The following DNAAF5 variants were observed in gnomAD, a reference collection of about 807,000 sequenced individuals.
The protein encoded by DNAAF5 is dynein axonemal assembly factor 5.
Under a neutral mutation model 75.8 loss-of-function variants are expected in DNAAF5, and 64 were observed. The observed-to-expected ratio is 0.84, with a 90% CI of 0.69 to 1.04. DNAAF5 has a LOEUF of 1.04. DNAAF5 is among the 50% of genes least tolerant of loss of function. The pLI is 0.00. For synonymous variants in DNAAF5, 657 were observed against 557.2 expected (o/e 1.18, Z -2.52); for missense variants, 1,269 against 1,178.5 (o/e 1.08, Z -1.12).
rs148913278 is a variant in DNAAF5, at chr7:766,240, C to T, written c.1783+2266C>T. ...CAGCCTCAAATATAATACAATATTTCCAACATCGTGTCCTTGGAATACAGA... is the reference window on the plus strand; with the variant it reads ...CAGCCTCAAATATAATACAATATTTTCAACATCGTGTCCTTGGAATACAGA... On this transcript the variant is annotated intron_variant, in intron 8 of 12. Coordinates refer to ENST00000297440, the MANE Select transcript of DNAAF5 (RefSeq NM_017802.4). Among the ~76,000 whole-genome samples the T allele has an allele frequency of 5.5e-3, 840 of 152,312 alleles. 12 individuals carry two copies. The highest frequency in any genetic ancestry group is 0.019 in the African/African-American group (793 of 41,560).
chr7:736,018 C>A (rs562171682), intron 2 of DNAAF5, among the ~76,000 whole-genome samples: 1 of 152,284 alleles, frequency 6.6e-6, no homozygotes, highest in African/African-American at 2.4e-5. Flanking sequence ...CATTGACCCA[C>A]CGGTCATTCA....
chr7:775,499 T>C (rs1778728504), intron 11 of DNAAF5, among the ~76,000 whole-genome samples: 1 of 145,974 alleles, frequency 6.9e-6, no homozygotes, highest in Non-Finnish European at 1.5e-5. Context: ...AAACCTTGTC[T>C]TTAAAAGTAG....
At chr7:735,680 TCTC>T (rs1033180498) in intron 2 of DNAAF5, among the ~76,000 whole-genome samples, 2 of 152,238 alleles carry the variant, frequency 1.3e-5, no homozygotes, top group Non-Finnish European at 2.9e-5. Flanking sequence ...ACTTGGGTCT[TCTC>T]TTTTTCTTAG....
At chr7:763,722 G>A (rs1782736202) in intron 7 of DNAAF5, 84 bp from the exon 8 acceptor site, 1 of 1,461,548 alleles carries the variant, frequency 6.8e-7, no homozygotes. Flanking sequence ...TCTTACGCGT[G>A]AGGGGGATAG....
chr7:755,901 G>A (rs1246661852), intron 5 of DNAAF5, among the ~76,000 whole-genome samples: 1 of 152,246 alleles, frequency 6.6e-6, no homozygotes, highest in Non-Finnish European at 1.5e-5. Context: ...GTGAGGCTGA[G>A]AGGACGAGAG....
At chr7:748,422 G>A (rs796491733) in intron 4 of DNAAF5, among the ~76,000 whole-genome samples, 7 of 152,316 alleles carry the variant, frequency 4.6e-5, no homozygotes, top group African/African-American at 1.7e-4. Flanking sequence ...GCACCCGTAC[G>A]TCGTCTTTGG....
Position 741,438 on chromosome 7 carries a change from C to T in DNAAF5, c.997C>T (p.Pro333Ser), listed in dbSNP as rs2128073057. ...DLKDKLDFAP[P>S]TPPHYPPHER... ...GAAGGACAAGCTGGACTTTGCCCCT[C>T]CCACCCCACCCCATTACCCTCCACA... The change falls in exon 4 of 13, where the codon CCC becomes TCC. Residue 333 changes from proline (P) to serine (S), a missense_variant. Physicochemically the swap from Pro to Ser is moderately conservative, Grantham distance 74 (BLOSUM62 -1). Transcript: ENST00000297440. 1 of 1,512,556 alleles carries T rather than the reference C, an allele frequency of 6.6e-7. No individual in the cohort carries two copies. The highest frequency in any genetic ancestry group is 2.1e-4 in the Middle Eastern group (1 of 4,854). 93.7% of individuals were successfully genotyped at this position (1,512,556 alleles called of 1,614,324 possible).
intron 2 of DNAAF5, among the ~76,000 whole-genome samples, chr7:731,996 C>T (rs552896139): frequency 1.3e-5 from 2 of 152,316 alleles, no homozygotes; most frequent in South Asian, 2.1e-4. Flanking sequence ...CCTTCTGACT[C>T]GTAGGAAACC....
chr7:768,733 T>G, intron 8 of DNAAF5: 1 of 177,520 alleles, frequency 5.6e-6, no homozygotes, highest in Non-Finnish European at 1.2e-5. Context: ...GGTTTGAACA[T>G]TCTTGACAGC....
rs1378011871 is a variant in DNAAF5, at chr7:785,752, G to A, written c.*99G>A. The A allele has an allele frequency of 1.4e-5, 20 of 1,392,274 alleles. No individual in the cohort carries two copies. The Admixed American group carries it at 4.3e-4, about 30-fold the overall frequency. 86.2% of individuals were successfully genotyped at this position (1,392,274 alleles called of 1,614,324 possible). On this transcript the variant is annotated 3_prime_UTR_variant, in exon 13 of 13. Transcript: ENST00000297440. ...CAAGGCACCTCTGTGCCAGCAGTGA[G>A]ACTGTGACAGCAAGAATGTACTCCT... is the stretch of plus-strand genomic sequence containing the variant.
chr7:772,390 G>A (rs1054685274), intron 9 of DNAAF5: 59 of 152,392 alleles, frequency 3.9e-4, no homozygotes, highest in African/African-American at 1.3e-3. Flanking sequence ...AGACCCTGGA[G>A]CACTTTGCAT....
chr7:780,666 G>A (rs996239025), intron 12 of DNAAF5, among the ~76,000 whole-genome samples: 1 of 152,170 alleles, frequency 6.6e-6, no homozygotes, highest in Non-Finnish European at 1.5e-5. Flanking sequence ...ATAGGCGTGG[G>A]ACTTCTTCAA....
intron 2 of DNAAF5, among the ~76,000 whole-genome samples, chr7:737,868 T>C (rs1781785684): frequency 6.6e-6 from 1 of 152,238 alleles, no homozygotes; most frequent in Non-Finnish European, 1.5e-5. Flanking sequence ...CTTTGGGAGT[T>C]TGATTGTTAA....
At chr7:763,120 G>A (rs1782718247) in intron 7 of DNAAF5, among the ~76,000 whole-genome samples, 1 of 152,166 alleles carries the variant, frequency 6.6e-6, no homozygotes, top group Non-Finnish European at 1.5e-5. Flanking sequence ...GGAGGCTGCT[G>A]CCCTCCCCTT....
At chr7:771,239 G>A (rs1252577357) in intron 9 of DNAAF5, 1 of 152,288 alleles carries the variant, frequency 6.6e-6, no homozygotes, top group Non-Finnish European at 1.5e-5. Context: ...GGGCCTCCAG[G>A]TGTACGGCTT....
chr7:759,672 C>T (rs1782585540), intron 6 of DNAAF5, among the ~76,000 whole-genome samples: 3 of 152,062 alleles, frequency 2.0e-5, no homozygotes, highest in Non-Finnish European at 4.4e-5. Flanking sequence ...TGAAAATTGT[C>T]TGGTCAAATA....
intron 6 of DNAAF5, among the ~76,000 whole-genome samples, chr7:760,553 G>T (rs113603172): frequency 6.6e-6 from 1 of 152,206 alleles, no homozygotes; most frequent in East Asian, 1.9e-4. Flanking sequence ...GAGAGGCCAC[G>T]GCAGGAGGAT....
chr7:770,424 C>G, intron 8 of DNAAF5, 47 bp from the exon 9 acceptor site: 2 of 1,576,610 alleles, frequency 1.3e-6, no homozygotes, highest in Non-Finnish European at 1.7e-6. Context: ...GGGGCCTCCT[C>G]CCGTCTCCTG....
chr7:741,580 G>A lies in DNAAF5; in HGVS notation c.1024+115G>A, dbSNP rs1052739643. 8 of 669,814 alleles carry A rather than the reference G, an allele frequency of 1.2e-5. No homozygotes were observed. In the Admixed American group the frequency reaches 1.5e-4, roughly 13 times the overall value. The allele number at this position is 669,814 out of a possible 1,614,324, so 41.5% of individuals were successfully genotyped here. A position where few individuals can be genotyped will look rare whatever the true frequency, so the allele number is the denominator to read the frequency against. On this transcript the variant is annotated intron_variant, in intron 4 of 12. Coordinates refer to ENST00000297440, the MANE Select transcript of DNAAF5 (RefSeq NM_017802.4). ...TGCAGTTCTGAGCCCAGGCGGCCGC[G>A]TCGGAAAGGTGCAGGCGTCTCCCCA... is the stretch of plus-strand genomic sequence containing the variant.
Sources: allele counts gnomAD v4.1 joint callset (sites outside exome capture counted in the v4.1 genomes callset), GRCh38; gene constraint gnomAD v4.1.1; transcripts MANE v1.5; gene names NCBI Gene and HGNC (gene_info 2026-07-23, HGNC 2026-07-21).